The following NR1H4 variants were observed in gnomAD, a reference collection of about 807,000 sequenced individuals.
NR1H4 encodes the protein nuclear receptor subfamily 1 group H member 4, also known as bile acid receptor.
NR1H4 carries 23 observed loss-of-function variants against 58.5 expected under a neutral mutation model. The ratio of observed to expected loss-of-function variants is 0.39; its 90% CI spans 0.28 to 0.56. The LOEUF is 0.56. Ranked by LOEUF, NR1H4 falls within the 20% of genes least tolerant of loss-of-function variation. NR1H4 has a pLI of 0.58. For missense variants in NR1H4, 487 were observed against 576.9 expected (o/e 0.84, Z 1.60); for synonymous variants, 214 against 198.0 (o/e 1.08, Z -0.68).
At chr12:100,547,539 T>C (rs888827887) in intron 9 of NR1H4, among the ~76,000 whole-genome samples, 15 of 152,200 alleles carry the variant, frequency 9.9e-5, no homozygotes, top group Admixed American at 2.0e-4. Context: ...TTGAAACCTG[T>C]TGAGGCAAGT....
chr12:100,522,010 T>C (rs1057360681), intron 4 of NR1H4, among the ~76,000 whole-genome samples: 1 of 152,152 alleles, frequency 6.6e-6, no homozygotes, highest in African/African-American at 2.4e-5. Flanking sequence ...CAATCCCAGC[T>C]GATTCTCTTC....
intron 4 of NR1H4, among the ~76,000 whole-genome samples, chr12:100,518,961 T>C (rs998184221): frequency 6.6e-6 from 1 of 151,984 alleles, no homozygotes; most frequent in Non-Finnish European, 1.5e-5. Flanking sequence ...CTAATTTTTG[T>C]ATTTTTAGTA....
At chr12:100,483,713 G>A (rs1275091005) in intron 1 of NR1H4, among the ~76,000 whole-genome samples, 1 of 152,128 alleles carries the variant, frequency 6.6e-6, no homozygotes, top group Non-Finnish European at 1.5e-5. Flanking sequence ...GTCAGGCGCG[G>A]TGGCTCACGC....
chr12:100,544,027 T>C (rs1593119122), intron 9 of NR1H4, among the ~76,000 whole-genome samples: 3 of 151,616 alleles, frequency 2.0e-5, no homozygotes, highest in South Asian at 2.1e-4. Flanking sequence ...CCAAGGCGGG[T>C]GGATTACAAG....
At chr12:100,537,808 A>G (rs1461054234) in intron 8 of NR1H4, among the ~76,000 whole-genome samples, 2 of 152,088 alleles carry the variant, frequency 1.3e-5, no homozygotes, top group Admixed American at 1.3e-4. Context: ...CTGCTTCCCG[A>G]GTTCAAGCAA....
intron 9 of NR1H4, among the ~76,000 whole-genome samples, chr12:100,545,741 C>A (rs1955055242): frequency 6.6e-6 from 1 of 150,820 alleles, no homozygotes; most frequent in South Asian, 2.1e-4. Flanking sequence ...TTATTCAGCA[C>A]CTACTGTGTG....
At chr12:100,515,205 C>G (rs960308522) in intron 4 of NR1H4, among the ~76,000 whole-genome samples, 1 of 126,414 alleles carries the variant, frequency 7.9e-6, no homozygotes, top group Non-Finnish European at 1.6e-5. Flanking sequence ...GAGTCTTGCT[C>G]TGTTGCCCAG....
Position 100,540,656 on chromosome 12 carries a change from TATC to T in NR1H4, c.932-10_932-8del. 1 of 1,613,606 alleles carries T rather than the reference TATC, an allele frequency of 6.2e-7. No individual in the cohort carries two copies. The highest frequency in any genetic ancestry group is 8.5e-7 in the Non-Finnish European group (1 of 1,179,480). ...TGTTACTCCTTGATACCAATTTGATTATCATCATTACCTAGGATTTCAGACTTT... is the reference window on the plus strand; with the variant it reads ...TGTTACTCCTTGATACCAATTTGATTATCATTACCTAGGATTTCAGACTTT... On this transcript the variant is annotated splice_polypyrimidine_tract_variant and intron_variant, in intron 8 of 10. Transcript: ENST00000392986.
At chr12:100,545,645 A>AG (rs1245223882) in intron 9 of NR1H4, among the ~76,000 whole-genome samples, 1 of 143,094 alleles carries the variant, frequency 7.0e-6, no homozygotes, top group East Asian at 2.0e-4. Flanking sequence ...TTGTCTCAAA[A>AG]AAAAAAAAAA....
At chr12:100,522,063 C>T (rs1000167027) in intron 4 of NR1H4, among the ~76,000 whole-genome samples, 5 of 151,420 alleles carry the variant, frequency 3.3e-5, no homozygotes, top group African/African-American at 1.2e-4. Context: ...CTTTAGACTC[C>T]CCACCTGTAA....
At chr12:100,544,884 T>C (rs1638896285) in intron 9 of NR1H4, among the ~76,000 whole-genome samples, 1 of 152,140 alleles carries the variant, frequency 6.6e-6, no homozygotes, top group Non-Finnish European at 1.5e-5. Flanking sequence ...TTTTTGCATT[T>C]GAGTGTAAGA....
intron 1 of NR1H4, among the ~76,000 whole-genome samples, chr12:100,484,559 C>T (rs1204814722): frequency 6.6e-6 from 1 of 152,076 alleles, no homozygotes; most frequent in Admixed American, 6.6e-5. Flanking sequence ...AACATTTTGT[C>T]CCTCCTTTCA....
chr12:100,495,770 T>G (rs144526236), intron 3 of NR1H4, among the ~76,000 whole-genome samples: 30 of 152,112 alleles, frequency 2.0e-4, no homozygotes, highest in African/African-American at 6.7e-4. Context: ...GCTAAAGGTA[T>G]GCCAAAGGGG....
At chr12:100,516,613 G>A (rs565343830) in intron 4 of NR1H4, among the ~76,000 whole-genome samples, 46 of 152,022 alleles carry the variant, frequency 3.0e-4, no homozygotes, top group African/African-American at 1.1e-3. Flanking sequence ...TGATCCGCCC[G>A]CCTCGGCCTC....
chr12:100,559,574 C>T (rs1281984934), intron 9 of NR1H4, among the ~76,000 whole-genome samples: 3 of 152,172 alleles, frequency 2.0e-5, no homozygotes, highest in Non-Finnish European at 2.9e-5. Flanking sequence ...GCCAGCCCAC[C>T]GGCGCTGCGC....
intron 9 of NR1H4, among the ~76,000 whole-genome samples, chr12:100,548,308 A>G (rs1487101000): frequency 6.6e-6 from 1 of 151,368 alleles, no homozygotes. Context: ...CGGAGGTTTC[A>G]GTGAGCCAAG....
chr12:100,505,499 C>G, intron 3 of NR1H4: 1 of 665,360 alleles, frequency 1.5e-6, no homozygotes, highest in Admixed American at 2.3e-5. Flanking sequence ...AGAAAGCTCC[C>G]TCAGATGGCA....
chr12:100,487,390 T>A (rs1263343779), intron 1 of NR1H4, among the ~76,000 whole-genome samples: 1 of 152,028 alleles, frequency 6.6e-6, no homozygotes, highest in African/African-American at 2.4e-5. Flanking sequence ...ATGCTTAAAG[T>A]TGGGGTTTTA....
chr12:100,537,806 C>T (rs530930664), intron 8 of NR1H4, among the ~76,000 whole-genome samples: 7 of 152,266 alleles, frequency 4.6e-5, no homozygotes, highest in South Asian at 4.1e-4. Flanking sequence ...CTCTGCTTCC[C>T]GAGTTCAAGC....
Sources: gnomAD v4.1 joint callset for allele counts (sites outside exome capture counted in the v4.1 genomes callset) on GRCh38, gnomAD v4.1.1 for gene constraint, MANE v1.5 for transcripts, NCBI Gene and HGNC (gene_info 2026-07-23, HGNC 2026-07-21) for gene names.